ZNF608: variants seen among roughly 807,000 people sequenced by gnomAD.
ZNF608 encodes the protein zinc finger protein 608, also known as renal carcinoma antigen NY-REN-36.
ZNF608 carries 12 observed loss-of-function variants against 109.0 expected under a neutral mutation model. The ratio of observed to expected loss-of-function variants is 0.11; its 90% CI spans 0.07 to 0.18. The LOEUF is 0.18. Ranked by LOEUF, ZNF608 falls within the 10% of genes least tolerant of loss-of-function variation. The pLI is 1.00. For synonymous variants in ZNF608, 732 were observed against 717.4 expected, an observed-to-expected ratio of 1.02 and a Z score of -0.33; for missense variants, 1,707 against 1,879.3, an observed-to-expected ratio of 0.91 and a Z score of 1.70.
intron 3 of ZNF608, among the ~76,000 whole-genome samples, chr5:124,665,605 T>A (rs1010481737): frequency 3.9e-4 from 60 of 152,330 alleles, no homozygotes; most frequent in African/African-American, 1.4e-3. Context: ...TGTATTTCTA[T>A]TTTTTTATTA....
chr5:124,748,475 C>G (rs1048085993), upstream of ZNF608: 4 of 926,404 alleles, frequency 4.3e-6, no homozygotes, highest in Non-Finnish European at 5.2e-6. Context: ...TCGCACATTC[C>G]CCTGCATGAA....
intron 3 of ZNF608, among the ~76,000 whole-genome samples, chr5:124,679,850 G>C (rs901882761): frequency 2.0e-5 from 3 of 152,200 alleles, no homozygotes; most frequent in Non-Finnish European, 4.4e-5. Context: ...GTCCCTTGTA[G>C]AAGGAAAGTG....
At chr5:124,701,922 C>G (rs1753069179) in intron 2 of ZNF608, among the ~76,000 whole-genome samples, 1 of 152,112 alleles carries the variant, frequency 6.6e-6, no homozygotes. Context: ...ATCAACATAA[C>G]TTGAGTTTTT....
chr5:124,719,365 G>A (rs1414178788), intron 2 of ZNF608, among the ~76,000 whole-genome samples: 1 of 152,220 alleles, frequency 6.6e-6, no homozygotes, highest in Non-Finnish European at 1.5e-5. Context: ...TGGGGTTCCA[G>A]CAGGCTCCCT....
rs1047994192 is a variant in ZNF608, at chr5:124,702,735, C to A, written c.907-1466G>T. Among the ~76,000 whole-genome samples, 5 of 152,192 alleles carry A rather than the reference C, an allele frequency of 3.3e-5. No homozygotes were observed. The East Asian group carries it at 9.6e-4, about 29-fold the overall frequency. The stretch of plus-strand genomic sequence containing the variant: ...TTCACCCATCTGCATGTTAAAAAAA[C>A]TTAATTTCCTGCTCTCAAAGCTGCC... On this transcript the variant is annotated intron_variant, in intron 2 of 9. Transcript: ENST00000513986.
At chr5:124,690,928 C>T (rs184197381) in intron 3 of ZNF608, among the ~76,000 whole-genome samples, 191 of 68,620 alleles carry the variant, frequency 2.8e-3, no homozygotes, top group African/African-American at 0.015. Flanking sequence ...CAGAAAAACA[C>T]ACACACACAC....
At chr5:124,712,105 C>T (rs1753515974) in intron 2 of ZNF608, among the ~76,000 whole-genome samples, 1 of 152,068 alleles carries the variant, frequency 6.6e-6, no homozygotes, top group African/African-American at 2.4e-5. Flanking sequence ...TGAGATCGCA[C>T]CATTGCACTC....
At chr5:124,668,282 T>C in intron 3 of ZNF608, among the ~76,000 whole-genome samples, 1 of 148,884 alleles carries the variant, frequency 6.7e-6, no homozygotes, top group East Asian at 2.0e-4. Context: ...GCACCTATAG[T>C]TCCAGCTACT....
rs150305065 is a variant in ZNF608, at chr5:124,637,828, A to G, written c.*72T>C. On this transcript the variant is annotated 3_prime_UTR_variant, in exon 10 of 10. Coordinates refer to ENST00000513986, the MANE Select transcript of ZNF608 (RefSeq NM_020747.3). ...CATTAAGGCATTTCAAATTAACACC[A>G]TGGAACTGATGTCTGTATAAAGCGC... 2.6e-6 allele frequency: 4 copies of G among 1,533,270 alleles called. No individual in the cohort carries two copies. Among genetic ancestry groups the G allele is most frequent in the South Asian group, 2.4e-5 (2 of 84,984 alleles). The allele number at this position is 1,533,270 out of a possible 1,614,324, so 95.0% of individuals were successfully genotyped here. A position where few individuals can be genotyped will look rare whatever the true frequency, so the allele number is the denominator to read the frequency against.
chr5:124,717,330 G>A (rs1442049706), intron 2 of ZNF608, among the ~76,000 whole-genome samples: 2 of 151,506 alleles, frequency 1.3e-5, no homozygotes, highest in Non-Finnish European at 2.9e-5. Context: ...AATTAGCCAG[G>A]CATGGTGGCA....
At position 124,643,668 on chromosome 5, in the gene ZNF608, G is replaced by C. The variant is rs750523431; in HGVS notation, c.4139C>G (p.Pro1380Arg). Residue 1380 changes from proline (P) to arginine (R), a missense_variant, in exon 7 of 10, where the codon CCA becomes CGA. Pro to Arg is a moderately radical substitution (Grantham distance 103, BLOSUM62 -2). Coordinates refer to ENST00000513986, the MANE Select transcript of ZNF608 (RefSeq NM_020747.3). ...MHSYPGAYLSPGFHYPVYGKM... is the reference protein window; with the variant it reads ...MHSYPGAYLSRGFHYPVYGKM... ...CCCATAAACAGGATAATGAAATCCT[G>C]GAGAGAGATATGCCCCTGCAGATAA... The C allele has an allele frequency of 6.2e-7, 1 of 1,614,108 alleles. No homozygotes were observed. Among genetic ancestry groups the C allele is most frequent in the Non-Finnish European group, 8.5e-7 (1 of 1,180,016 alleles).
chr5:124,698,984 A>G (rs994580446), intron 3 of ZNF608, among the ~76,000 whole-genome samples: 1 of 152,118 alleles, frequency 6.6e-6, no homozygotes, highest in Non-Finnish European at 1.5e-5. Flanking sequence ...CAAGCAATAA[A>G]CTGATGGGAG....
At chr5:124,711,645 C>A (rs1220954575) in intron 2 of ZNF608, among the ~76,000 whole-genome samples, 1 of 152,148 alleles carries the variant, frequency 6.6e-6, no homozygotes, top group Non-Finnish European at 1.5e-5. Context: ...CTTCATCCAA[C>A]AAGTTTTTGC....
chr5:124,659,923 T>C (rs1263576401), intron 3 of ZNF608, among the ~76,000 whole-genome samples: 2 of 152,216 alleles, frequency 1.3e-5, no homozygotes, highest in Non-Finnish European at 2.9e-5. Flanking sequence ...GAGCGCTTAT[T>C]TGCTTTTGTG....
intron 3 of ZNF608, among the ~76,000 whole-genome samples, chr5:124,669,025 C>G (rs933985469): frequency 4.1e-4 from 63 of 152,082 alleles, no homozygotes; most frequent in African/African-American, 1.5e-3. Flanking sequence ...AGAAGACTAC[C>G]TATTGCAAAG....
chr5:124,694,839 C>T (rs1028355844), intron 3 of ZNF608, among the ~76,000 whole-genome samples: 2 of 151,482 alleles, frequency 1.3e-5, no homozygotes, highest in African/African-American at 4.9e-5. Flanking sequence ...TCTGTCCTTG[C>T]GACAGTTTGC....
chr5:124,729,285 G>A (rs1227520658), intron 2 of ZNF608, among the ~76,000 whole-genome samples: 1 of 152,190 alleles, frequency 6.6e-6, no homozygotes, highest in Non-Finnish European at 1.5e-5. Flanking sequence ...TGCAGTTTGG[G>A]AAGAACAGGC....
At chr5:124,660,928 TCA>T (rs951100395) in intron 3 of ZNF608, among the ~76,000 whole-genome samples, 3 of 151,286 alleles carry the variant, frequency 2.0e-5, no homozygotes, top group African/African-American at 7.3e-5. Flanking sequence ...TGAAGCAAAC[TCA>T]GTTATGCGCA....
At chr5:124,745,221 A>G (rs547088858) in intron 1 of ZNF608, 49 bp from the exon 2 acceptor site, 2 of 1,374,804 alleles carry the variant, frequency 1.5e-6, no homozygotes, top group East Asian at 5.5e-5. Flanking sequence ...GGGTGTTACC[A>G]GAATAAAAAA....
Sources: allele counts gnomAD v4.1 joint callset (sites outside exome capture counted in the v4.1 genomes callset), GRCh38; gene constraint gnomAD v4.1.1; transcripts MANE v1.5; gene names NCBI Gene and HGNC (gene_info 2026-07-23, HGNC 2026-07-21).